KASH5: variants seen among roughly 807,000 people sequenced by gnomAD.
The protein encoded by KASH5 is protein KASH5.
KASH5 carries 72 observed loss-of-function variants against 84.2 expected under a neutral mutation model. That is an observed-to-expected ratio of 0.85 (90% confidence interval 0.71 to 1.04). The LOEUF (loss-of-function observed/expected upper bound fraction) is 1.04. KASH5 is among the 50% of genes least tolerant of loss of function. The pLI is 0.00. For missense variants in KASH5, 650 were observed against 701.0 expected (o/e 0.93, Z 0.82); for synonymous variants, 260 against 279.1 (o/e 0.93, Z 0.68).
Position 49,390,927 on chromosome 19 carries a change from G to A in KASH5, c.43+1G>A, listed in dbSNP as rs188889881. 1.9e-5 allele frequency: 31 copies of A among 1,606,108 alleles called. No individual in the cohort carries two copies. The highest frequency in any genetic ancestry group is 1.5e-4 in the African/African-American group (11 of 74,378). ...CCGGTGGGTGGCCCCACTGCGGAAA[G>A]TAAGTGGCTGGAACCCTATTTGCCC... On this transcript the variant is annotated splice_donor_variant, in intron 2 of 19. Coordinates refer to ENST00000447857, the MANE Select transcript of KASH5 (RefSeq NM_144688.5). LOFTEE classifies it high-confidence loss of function.
rs1453073364 is a variant in KASH5, at chr19:49,414,019, T to C, written c.1329-932T>C. Among the ~76,000 whole-genome samples the C allele has an allele frequency of 6.6e-6, 1 of 151,692 alleles. No individual in the cohort carries two copies. On this transcript the variant is annotated intron_variant, in intron 16 of 19. Coordinates refer to ENST00000447857, the MANE Select transcript of KASH5 (RefSeq NM_144688.5). The surrounding 1 kb of genome is among the most constrained non-coding windows in gnomAD (Gnocchi z 4.5). The stretch of plus-strand genomic sequence containing the variant: ...GGTCCCCAGTGAAGGCAGTGGCTGG[T>C]GGTATGGATGGCTGGGTCTCTAAGG...
In KASH5 at chr19:49,395,201, G is replaced by C; in HGVS notation, c.244G>C (p.Asp82His). The C allele has an allele frequency of 1.9e-6, 3 of 1,612,668 alleles. No homozygotes were observed. The highest frequency in any genetic ancestry group is 1.1e-5 in the South Asian group (1 of 90,924). ...ARLQTLANSL[D>H]PNGEGPKATV... Reference sequence around the variant, plus strand: ...CCTCCAAACATTGGCCAACAGCCTGGACCCCAATGGGGAGGGCCCTAAGGC... The same window carrying C: ...CCTCCAAACATTGGCCAACAGCCTGCACCCCAATGGGGAGGGCCCTAAGGC... The change falls in exon 4 of 20, where the codon GAC (aspartate) becomes CAC (histidine). Residue 82 changes from aspartate to histidine, a missense_variant. By Grantham distance (81) the Asp-to-His change is moderately conservative. Coordinates refer to ENST00000447857, the MANE Select transcript of KASH5 (RefSeq NM_144688.5). The surrounding 1 kb of genome is among the most constrained non-coding windows in gnomAD (Gnocchi z 4.4).
Position 49,398,122 on chromosome 19 carries a change from C to A in KASH5, c.608C>A (p.Ala203Asp). The stretch of plus-strand genomic sequence containing the variant: ...GCACGCCTTGGGGAGGAGATCTTGG[C>A]TCTGCGTAAGCAGCTTCACAGGTGG... ...GSARLGEEILALRKQLHSTQQ... is the reference protein window; with the variant it reads ...GSARLGEEILDLRKQLHSTQQ... Residue 203 changes from alanine to aspartate, a missense_variant, in exon 7 of 20, where the codon GCT (alanine) becomes GAT (aspartate). Ala to Asp is a moderately radical substitution (Grantham distance 126, BLOSUM62 -2). Coordinates refer to ENST00000447857, the MANE Select transcript of KASH5 (RefSeq NM_144688.5). The A allele has an allele frequency of 6.3e-7, 1 of 1,594,220 alleles. No individual in the cohort carries two copies. Among genetic ancestry groups the A allele is most frequent in the South Asian group, 1.1e-5 (1 of 89,308 alleles).
At position 49,414,623 on chromosome 19, in the gene KASH5, C is replaced by T. The variant is rs80305672; in HGVS notation, c.1329-328C>T. Among the ~76,000 whole-genome samples the T allele has an allele frequency of 0.034, 5,154 of 151,272 alleles. 227 individuals are homozygous for T. The highest frequency in any genetic ancestry group is 0.11 in the African/African-American group (4,401 of 40,696). On this transcript the variant is annotated intron_variant, in intron 16 of 19. Transcript: ENST00000447857. This position sits in a 1 kb window ranked among gnomAD's most constrained non-coding sequence, Gnocchi z 4.5. ...CCTTATTCTTTTAGTGGTTCACAGA[C>T]CCTTTGGGTAATTTGGTGAAAATTC...
chr19:49,395,898 C>A lies in KASH5; in HGVS notation c.400+65C>A. On this transcript the variant is annotated intron_variant, in intron 5 of 19. Coordinates refer to ENST00000447857, the MANE Select transcript of KASH5 (RefSeq NM_144688.5). The surrounding 1 kb of genome is among the most constrained non-coding windows in gnomAD (Gnocchi z 4.4). ...GGTCAGACAGTGTGGGGACTTACCA[C>A]CCAGGGCAGAGCAAGGGATAGGGTA... 7.2e-7 allele frequency: 1 copy of A among 1,380,118 alleles called. No homozygotes were observed. Among genetic ancestry groups the A allele is most frequent in the Non-Finnish European group, 1.0e-6 (1 of 1,000,072 alleles). The allele number at this position is 1,380,118 out of a possible 1,614,324, so 85.5% of individuals were successfully genotyped here. A position where few individuals can be genotyped will look rare whatever the true frequency, so the allele number is the denominator to read the frequency against.
At chr19:49,407,490 G>A (rs1974565468) in intron 11 of KASH5, 122 bp from the exon 12 acceptor site, 1 of 1,187,274 alleles carries the variant, frequency 8.4e-7, no homozygotes, top group Non-Finnish European at 1.2e-6. Context: ...TCTCCCTTGT[G>A]CCCCAGCTCT....
At position 49,416,623 on chromosome 19, in the gene KASH5, A is replaced by G. The variant is rs923321633; in HGVS notation, c.1375-392A>G. Reference sequence around the variant, plus strand: ...TGGTCTCTGCCCTCAGAGAGCTTAGATACTTCCAGAATCCAATGGAAAACG... The same window carrying G: ...TGGTCTCTGCCCTCAGAGAGCTTAGGTACTTCCAGAATCCAATGGAAAACG... On this transcript the variant is annotated intron_variant, in intron 17 of 19. Transcript: ENST00000447857. The surrounding 1 kb of genome is among the most constrained non-coding windows in gnomAD (Gnocchi z 5.4). Among the ~76,000 whole-genome samples the G allele has an allele frequency of 6.6e-6, 1 of 152,208 alleles. No individual in the cohort carries two copies. The highest frequency in any genetic ancestry group is 2.4e-5 in the African/African-American group (1 of 41,442).
At chr19:49,415,180 G>A (rs986298715) in intron 17 of KASH5, 184 bp downstream of exon 17, 4 of 672,760 alleles carry the variant, frequency 5.9e-6, no homozygotes, top group Non-Finnish European at 1.0e-5. Flanking sequence ...GTGAGGTGGG[G>A]GGAGGCCTGG....
At chr19:49,409,304 A>G (rs1974637034) in intron 14 of KASH5, 21 bp downstream of exon 14, 2 of 1,610,646 alleles carry the variant, frequency 1.2e-6, no homozygotes, top group South Asian at 2.2e-5. Context: ...CACCCCTGGA[A>G]TAAGCTGCAG....
At chr19:49,390,578 A>T (rs1157179060) in intron 1 of KASH5, among the ~76,000 whole-genome samples, 2 of 143,142 alleles carry the variant, frequency 1.4e-5, no homozygotes, top group Non-Finnish European at 1.5e-5. Context: ...GACCTCCCCC[A>T]CCCACCCACT....
chr19:49,408,844 A>G (rs75231839), intron 12 of KASH5, 123 bp from the exon 13 acceptor site: 2 of 860,478 alleles, frequency 2.3e-6, no homozygotes, highest in Non-Finnish European at 3.7e-6. Context: ...CCTAGGCAGT[A>G]TGTGTCTGGG....
At chr19:49,392,664 CA>C (rs1475660391) in intron 2 of KASH5, among the ~76,000 whole-genome samples, 2 of 152,156 alleles carry the variant, frequency 1.3e-5, no homozygotes, top group East Asian at 3.8e-4. Flanking sequence ...GTAATCCCAG[CA>C]CTTTGCGAGG....
At position 49,417,497 on chromosome 19, in the gene KASH5, C is replaced by T. The variant is rs534344606; in HGVS notation, c.1676C>T (p.Pro559Leu). 8.5e-5 allele frequency: 131 copies of T among 1,542,618 alleles called. No individual in the cohort carries two copies. In the Admixed American group the frequency reaches 9.7e-4, roughly 11 times the overall value. ...CACCTCCAGCTCTGCTACCTCCAGCCCCCTCCAGTGTGAGAGGCTCTACTT... is the reference window on the plus strand; with the variant it reads ...CACCTCCAGCTCTGCTACCTCCAGCTCCCTCCAGTGTGAGAGGCTCTACTT... The part of the protein sequence containing the change: ...WPHLQLCYLQ[P>L]PPV Residue 559 changes from proline to leucine, a missense_variant, in exon 20 of 20, where the codon CCC becomes CTC. Pro to Leu is a moderately conservative substitution (Grantham distance 98). Transcript: ENST00000447857. This position sits in a 1 kb window ranked among gnomAD's most constrained non-coding sequence, Gnocchi z 5.2.
chr19:49,390,517 G>C (rs1357310785), intron 1 of KASH5, among the ~76,000 whole-genome samples: 1 of 152,150 alleles, frequency 6.6e-6, no homozygotes, highest in Non-Finnish European at 1.5e-5. Flanking sequence ...CCAGGGAAGA[G>C]GACCAGGCAG....
chr19:49,407,540 C>T (rs531597186), intron 11 of KASH5, 72 bp from the exon 12 acceptor site: 5 of 1,470,720 alleles, frequency 3.4e-6, no homozygotes, highest in South Asian at 2.4e-5. Flanking sequence ...CCCAGCCAGT[C>T]CCCCCGCCAC....
rs1286293585 is a variant in KASH5, at chr19:49,414,168, TCTC to T, written c.1329-777_1329-775del. Among the ~76,000 whole-genome samples, 2 of 152,000 alleles carry T rather than the reference TCTC, an allele frequency of 1.3e-5. No individual in the cohort carries two copies. Among genetic ancestry groups the T allele is most frequent in the African/African-American group, 2.4e-5 (1 of 41,358 alleles). ...CGCCGAGGCAGGGTCAGGAGCCAGA[TCTC>T]CTCCTAGACCGAGACTCGCTGAGGG... On this transcript the variant is annotated intron_variant, in intron 16 of 19. Coordinates refer to ENST00000447857, the MANE Select transcript of KASH5 (RefSeq NM_144688.5). This position sits in a 1 kb window ranked among gnomAD's most constrained non-coding sequence, Gnocchi z 4.5.
rs771027659 is a variant in KASH5, at chr19:49,390,903, C to T, written c.20C>T (p.Pro7Leu). 9.4e-6 allele frequency: 15 copies of T among 1,600,410 alleles called. No individual in the cohort carries two copies. Among genetic ancestry groups the T allele is most frequent in the East Asian group, 4.6e-5 (2 of 43,084 alleles). ...TGGCCCATGGACCTGCCCGAGGGCCCGGTGGGTGGCCCCACTGCGGAAAGT... is the reference window on the plus strand; with the variant it reads ...TGGCCCATGGACCTGCCCGAGGGCCTGGTGGGTGGCCCCACTGCGGAAAGT... MDLPEG[P>L]VGGPTAEMYL... is the part of the protein sequence containing the mutation. The change falls in exon 2 of 20, where the codon CCG (proline) becomes CTG (leucine). Residue 7 changes from proline to leucine, a missense_variant. Pro to Leu is a moderately conservative substitution (Grantham distance 98, BLOSUM62 -3). Transcript: ENST00000447857.
intron 9 of KASH5, among the ~76,000 whole-genome samples, chr19:49,403,428 A>T (rs1398061364): frequency 6.6e-6 from 1 of 152,092 alleles, no homozygotes; most frequent in African/African-American, 2.4e-5. Context: ...GGCTCCTTTC[A>T]TCAGAAGCCT....
At chr19:49,403,362 A>G (rs1974424228) in intron 9 of KASH5, among the ~76,000 whole-genome samples, 1 of 138,078 alleles carries the variant, frequency 7.2e-6, no homozygotes, top group Admixed American at 7.3e-5. Context: ...ACAGAGCAAG[A>G]CTCTGTCTCA....
Sources: gnomAD v4.1 joint callset for allele counts (sites outside exome capture counted in the v4.1 genomes callset) on GRCh38, gnomAD v4.1.1 for gene constraint, Gnocchi (gnomAD v3.1) non-coding constraint, MANE v1.5 for transcripts, NCBI Gene and HGNC (gene_info 2026-07-23, HGNC 2026-07-21) for gene names.